CAST: variants seen among roughly 807,000 people sequenced by gnomAD.
The protein encoded by CAST is MIR583 host.
In CAST, 76 loss-of-function variants were observed where a neutral mutation model predicts 119.6. The ratio of observed to expected loss-of-function variants is 0.64; its 90% CI spans 0.53 to 0.77. The LOEUF (loss-of-function observed/expected upper bound fraction) is 0.77. Among genes scored for constraint, CAST ranks in the 30% least tolerant of loss-of-function variants. CAST has a pLI of 0.00. For synonymous variants in CAST, 319 were observed against 331.6 expected, an observed-to-expected ratio of 0.96 and a Z score of 0.41; for missense variants, 953 against 946.5, an observed-to-expected ratio of 1.01 and a Z score of -0.09.
chr5:96,264,091 C>A, the CAST span, among the ~76,000 whole-genome samples: 3 of 152,206 alleles, frequency 2.0e-5, no homozygotes, highest in Non-Finnish European at 4.4e-5. Flanking sequence ...AGCTTTCATA[C>A]ATATCACTAA....
rs1382051412 is a variant in CAST, at chr5:96,729,594, CTGTG to C, written c.436-12_436-9del. On this transcript the variant is annotated splice_polypyrimidine_tract_variant and intron_variant, in intron 7 of 31. Transcript: ENST00000675179. ...AATGTCTTTATATGTGTGTGGGCAC[CTGTG>C]TGTGTACTTTCAGCCAAAAAGCCTA... The C allele has an allele frequency of 2.5e-5, 24 of 976,058 alleles. No homozygotes were observed. Among genetic ancestry groups the C allele is most frequent in the African/African-American group, 4.8e-5 (3 of 62,500 alleles). The allele number at this position is 976,058 out of a possible 1,614,324, so 60.5% of individuals were successfully genotyped here.
At chr5:96,166,686 T>C in the CAST span, among the ~76,000 whole-genome samples, 2 of 152,306 alleles carry the variant, frequency 1.3e-5, no homozygotes, top group African/African-American at 4.8e-5. Context: ...AATTGAAGCA[T>C]AGCCTTGGCA....
At chr5:96,673,540 A>G (rs2150243641) in intron 1 of CAST, among the ~76,000 whole-genome samples, 1 of 152,342 alleles carries the variant, frequency 6.6e-6, no homozygotes, top group South Asian at 2.1e-4. Context: ...TTGGCTGGTT[A>G]TGATTGGCTG....
chr5:96,021,574 T>C, the CAST span, among the ~76,000 whole-genome samples: 14 of 152,122 alleles, frequency 9.2e-5, no homozygotes, highest in Admixed American at 9.2e-4. Flanking sequence ...GCCTCCCAAG[T>C]AGCTGGGACT....
the CAST span, among the ~76,000 whole-genome samples, chr5:96,127,624 GA>G: frequency 6.6e-6 from 1 of 151,704 alleles, no homozygotes; most frequent in Non-Finnish European, 1.5e-5. Flanking sequence ...AATTACAAGA[GA>G]AAAAAATGTT....
intron 1 of CAST, among the ~76,000 whole-genome samples, chr5:96,543,110 A>G (rs1230718874): frequency 1.3e-5 from 2 of 152,234 alleles, no homozygotes; most frequent in Non-Finnish European, 2.9e-5. Flanking sequence ...TCTTTTTACA[A>G]TAATAAACAC....
chr5:95,992,235 C>T, the CAST span, among the ~76,000 whole-genome samples: 4 of 152,064 alleles, frequency 2.6e-5, no homozygotes, highest in African/African-American at 7.2e-5. Context: ...TGGAAAACTC[C>T]GTGTTATTAA....
the CAST span, among the ~76,000 whole-genome samples, chr5:96,312,649 AGCAAAAACAG>A: frequency 7.0e-3 from 1,061 of 152,244 alleles, 11 homozygotes; most frequent in South Asian, 0.032. Flanking sequence ...TAAATAAGAA[AGCAAAAACAG>A]CTGGTGCAGA....
chr5:96,616,031 C>A (rs1386270598), intron 1 of CAST, among the ~76,000 whole-genome samples: 3 of 152,122 alleles, frequency 2.0e-5, no homozygotes, highest in East Asian at 1.9e-4. Flanking sequence ...AGTCTTTTCA[C>A]GTTTTTCTGC....
At chr5:96,609,159 C>T (rs1485528996) in intron 1 of CAST, among the ~76,000 whole-genome samples, 2 of 152,188 alleles carry the variant, frequency 1.3e-5, no homozygotes, top group African/African-American at 2.4e-5. Flanking sequence ...TAATCCTCAT[C>T]ATTTTTCCTT....
intron 1 of CAST, among the ~76,000 whole-genome samples, chr5:96,566,534 A>G (rs1489646219): frequency 6.6e-6 from 1 of 152,236 alleles, no homozygotes; most frequent in East Asian, 1.9e-4. Flanking sequence ...ATCTGCAAAG[A>G]TGGAGGGGAC....
chr5:96,578,634 T>A (rs1406510486), intron 1 of CAST, among the ~76,000 whole-genome samples: 1 of 152,234 alleles, frequency 6.6e-6, no homozygotes, highest in Admixed American at 6.5e-5. Flanking sequence ...CAATTTATTG[T>A]TGAAACATTT....
At chr5:96,421,022 G>C in the CAST span, among the ~76,000 whole-genome samples, 3 of 152,166 alleles carry the variant, frequency 2.0e-5, no homozygotes, top group Non-Finnish European at 4.4e-5. Context: ...GAAAAGGAAA[G>C]TTTGAGTGTC....
chr5:96,215,839 GCT>G, the CAST span, among the ~76,000 whole-genome samples: 1 of 151,944 alleles, frequency 6.6e-6, no homozygotes, highest in East Asian at 1.9e-4. Flanking sequence ...ACAGAGTCTT[GCT>G]CTGTCACCCA....
intron 1 of CAST, among the ~76,000 whole-genome samples, chr5:96,580,887 T>A (rs1305108068): frequency 2.0e-5 from 3 of 152,214 alleles, no homozygotes; most frequent in Non-Finnish European, 4.4e-5. Context: ...GATGGAGCCC[T>A]CAGGAACAGG....
intron 6 of CAST, chr5:96,728,601 C>G (rs1165330244): frequency 6.6e-6 from 1 of 152,310 alleles, no homozygotes; most frequent in Non-Finnish European, 1.5e-5. Flanking sequence ...CTCCGCCTCC[C>G]GAGTAGCTGG....
chr5:96,057,659 A>G, the CAST span, among the ~76,000 whole-genome samples: 1 of 152,196 alleles, frequency 6.6e-6, no homozygotes. Flanking sequence ...AAACCATGAC[A>G]TCTGCTAGTG....
the CAST span, among the ~76,000 whole-genome samples, chr5:96,355,359 T>A: frequency 6.6e-6 from 1 of 152,228 alleles, no homozygotes; most frequent in Admixed American, 6.5e-5. Flanking sequence ...GGGGATGAAC[T>A]CATCCTTTTT....
intron 3 of CAST, among the ~76,000 whole-genome samples, chr5:96,708,788 G>A (rs935517054): frequency 6.6e-6 from 1 of 152,154 alleles, no homozygotes; most frequent in African/African-American, 2.4e-5. Context: ...CTCAACCCGA[G>A]GTGCAAAAGA....
Sources: allele counts gnomAD v4.1 joint callset (sites outside exome capture counted in the v4.1 genomes callset), GRCh38; gene constraint gnomAD v4.1.1; transcripts MANE v1.5; gene names NCBI Gene and HGNC (gene_info 2026-07-23, HGNC 2026-07-21).